The following EXOC5 variants were observed in gnomAD, a reference collection of about 807,000 sequenced individuals.
EXOC5 encodes the protein SEC10-like 1.
In EXOC5, 17 loss-of-function variants were observed where a neutral mutation model predicts 90.8. The ratio of observed to expected loss-of-function variants is 0.19; its 90% CI spans 0.13 to 0.28. The LOEUF (loss-of-function observed/expected upper bound fraction) is 0.28, where lower values mean the gene tolerates loss of function less well. Ranked by LOEUF, EXOC5 falls within the 10% of genes least tolerant of loss-of-function variation. The probability of loss-of-function intolerance (pLI) is 1.00; values close to 1 mark genes in which losing one functional copy is unlikely to be tolerated. For missense variants in EXOC5, 569 were observed against 830.6 expected (o/e 0.69, Z 3.87); for synonymous variants, 260 against 270.0 (o/e 0.96, Z 0.36).
At chr14:57,262,641 T>A (rs896445951) in intron 1 of EXOC5, among the ~76,000 whole-genome samples, 1 of 145,088 alleles carries the variant, frequency 6.9e-6, no homozygotes, top group Non-Finnish European at 1.5e-5. Flanking sequence ...ACATTAAGTA[T>A]ATATACATAT....
chr14:57,254,611 A>G (rs1030558168), intron 1 of EXOC5, among the ~76,000 whole-genome samples: 2 of 152,198 alleles, frequency 1.3e-5, no homozygotes, highest in Admixed American at 1.3e-4. Context: ...GGACTATACA[A>G]TGAAAGAACT....
rs1054176569 is a variant in EXOC5, at chr14:57,232,570, G to A, written c.938+97C>T. The stretch of plus-strand genomic sequence containing the variant: ...ATTTAATGCTAAAAGGTAAACTGGT[G>A]ACAAACTTATTCAAAAATACCTGAA... On this transcript the variant is annotated intron_variant, in intron 10 of 17. Transcript: ENST00000621441. 3.9e-5 allele frequency: 22 copies of A among 567,580 alleles called. No individual in the cohort carries two copies. The Admixed American group carries it at 6.1e-4, about 16-fold the overall frequency. The allele number at this position is 567,580 out of a possible 1,614,324, so 35.2% of individuals were successfully genotyped here. A position where few individuals can be genotyped will look rare whatever the true frequency, so the allele number is the denominator to read the frequency against.
At position 57,203,546 on chromosome 14, in the gene EXOC5, T is replaced by C. The variant is rs1319993468; in HGVS notation, c.*5063A>G. 1 of 152,622 alleles carries C rather than the reference T, an allele frequency of 6.6e-6. No homozygotes were observed. The highest frequency in any genetic ancestry group is 2.4e-5 in the African/African-American group (1 of 41,450). 9.5% of individuals were successfully genotyped at this position (152,622 alleles called of 1,614,324 possible). On this transcript the variant is annotated 3_prime_UTR_variant, in exon 18 of 18. Transcript: ENST00000621441. The stretch of plus-strand genomic sequence containing the variant: ...GGTGAAAACAAAGAAAGTCACTCAT[T>C]GGAACTATAAATGAAACTTAGCTTT...
At position 57,247,887 on chromosome 14, in the gene EXOC5, CA is replaced by C. The variant is rs1566502890; in HGVS notation, c.28-176del. Among the ~76,000 whole-genome samples the C allele has an allele frequency of 2.4e-3, 244 of 102,220 alleles. No homozygotes were observed. In the African/African-American group the frequency reaches 0.037, roughly 16 times the overall value. The allele number at this position is 102,220 out of a possible 152,430, so 67.1% of individuals were successfully genotyped here. A position where few individuals can be genotyped will look rare whatever the true frequency, so the allele number is the denominator to read the frequency against. ...TTTCAATTAAAAAATCTTCAATAAACAAAACAAATTACTTAATGAAAATTAG... is the reference window on the plus strand; with the variant it reads ...TTTCAATTAAAAAATCTTCAATAAACAAACAAATTACTTAATGAAAATTAG... On this transcript the variant is annotated intron_variant, in intron 1 of 17. Transcript: ENST00000621441.
chr14:57,239,038 T>C (rs1883771218), intron 5 of EXOC5, among the ~76,000 whole-genome samples: 1 of 152,034 alleles, frequency 6.6e-6, no homozygotes, highest in African/African-American at 2.4e-5. Flanking sequence ...CTCTGGGGCC[T>C]TGCATTTTAA....
intron 17 of EXOC5, among the ~76,000 whole-genome samples, 166 bp from the exon 18 acceptor site, chr14:57,208,963 A>T (rs1209792660): frequency 6.6e-6 from 1 of 152,218 alleles, no homozygotes; most frequent in Non-Finnish European, 1.5e-5. Flanking sequence ...TAAAGATTTC[A>T]GTAGTTAAAT....
chr14:57,228,164 C>T (rs1162679860), intron 12 of EXOC5, among the ~76,000 whole-genome samples: 1 of 152,186 alleles, frequency 6.6e-6, no homozygotes, highest in South Asian at 2.1e-4. Context: ...TACCATCTCA[C>T]GCCAGTTAGA....
intron 1 of EXOC5, among the ~76,000 whole-genome samples, chr14:57,262,153 C>T (rs545651869): frequency 6.6e-6 from 1 of 152,276 alleles, no homozygotes; most frequent in East Asian, 1.9e-4. Flanking sequence ...TCTCAATCCA[C>T]TTAAATTGAA....
At chr14:57,268,551 T>C (rs1338144031) in intron 1 of EXOC5, 71 bp downstream of exon 1, 1 of 1,545,762 alleles carries the variant, frequency 6.5e-7, no homozygotes, top group Non-Finnish European at 8.7e-7. Flanking sequence ...AAACGCCCGC[T>C]CCTCGGCCCG....
intron 1 of EXOC5, among the ~76,000 whole-genome samples, chr14:57,258,173 T>C (rs895713752): frequency 6.6e-6 from 1 of 152,192 alleles, no homozygotes. Context: ...GAAATACCAT[T>C]TGACCCAGCA....
chr14:57,252,209 G>A (rs1162793154), intron 1 of EXOC5, among the ~76,000 whole-genome samples: 2 of 152,092 alleles, frequency 1.3e-5, no homozygotes, highest in Non-Finnish European at 2.9e-5. Flanking sequence ...CACTGTATGA[G>A]GCCAGCATTA....
At chr14:57,266,703 C>T (rs1486830734) in intron 1 of EXOC5, among the ~76,000 whole-genome samples, 1 of 80,088 alleles carries the variant, frequency 1.2e-5, no homozygotes, top group Non-Finnish European at 2.1e-5. Flanking sequence ...GTTATATATA[C>T]GTTATATATA....
intron 17 of EXOC5, among the ~76,000 whole-genome samples, chr14:57,209,291 C>A (rs1194256200): frequency 6.6e-6 from 1 of 151,800 alleles, no homozygotes; most frequent in Non-Finnish European, 1.5e-5. Flanking sequence ...CTTTGGGAAG[C>A]TGAGGCAGCA....
At chr14:57,247,530 T>C in intron 2 of EXOC5, 88 bp downstream of exon 2, 2 of 537,344 alleles carry the variant, frequency 3.7e-6, no homozygotes, top group South Asian at 3.5e-5. Context: ...TGTAGAGGAA[T>C]GCTGAAAGCA....
chr14:57,233,874 A>T lies in EXOC5; in HGVS notation c.724T>A (p.Leu242Met). The T allele has an allele frequency of 6.2e-7, 1 of 1,610,966 alleles. No homozygotes were observed. The highest frequency in any genetic ancestry group is 2.2e-5 in the East Asian group (1 of 44,718). ...YIKQCQEGAY[L>M]RNDIFEDAGI... ...GCGTCTTCAAATATATCATTTCTCA[A>T]ATAAGCACCCTAAACAGCAGAGACA... The change falls in exon 9 of 18, where the codon TTG becomes ATG. Residue 242 changes from leucine to methionine, a missense_variant. Physicochemically the swap from Leu to Met is conservative, Grantham distance 15 (BLOSUM62 2). Coordinates refer to ENST00000621441, the MANE Select transcript of EXOC5 (RefSeq NM_006544.4).
At chr14:57,214,038 T>C (rs1047021420) in intron 15 of EXOC5, among the ~76,000 whole-genome samples, 1 of 152,034 alleles carries the variant, frequency 6.6e-6, no homozygotes, top group African/African-American at 2.4e-5. Context: ...ACCTCAGGGG[T>C]ATCTGTAGGC....
chr14:57,248,061 G>C (rs1440458865), intron 1 of EXOC5, among the ~76,000 whole-genome samples: 1 of 148,920 alleles, frequency 6.7e-6, no homozygotes, highest in East Asian at 2.0e-4. Context: ...AATCAAATAA[G>C]ATCAAATTAT....
intron 15 of EXOC5, among the ~76,000 whole-genome samples, chr14:57,211,111 T>A (rs755212917): frequency 4.6e-5 from 7 of 152,188 alleles, no homozygotes; most frequent in African/African-American, 9.7e-5. Context: ...CTGATATGAC[T>A]TATTGTTCTG....
rs192409420 is a variant in EXOC5, at chr14:57,228,506, A to G, written c.1296+1228T>C. ...AAAGAAAATGTGGCACATATATGCC[A>G]TGGAATACTATGCAGCCATCAAAAA... On this transcript the variant is annotated intron_variant, in intron 12 of 17. Transcript: ENST00000621441. Among the ~76,000 whole-genome samples the G allele has an allele frequency of 4.0e-3, 602 of 152,320 alleles. 6 individuals are homozygous for G. The highest frequency in any genetic ancestry group is 0.014 in the African/African-American group (562 of 41,552).
Sources: gnomAD v4.1 joint callset for allele counts (sites outside exome capture counted in the v4.1 genomes callset) on GRCh38, gnomAD v4.1.1 for gene constraint, MANE v1.5 for transcripts, NCBI Gene and HGNC (gene_info 2026-07-23, HGNC 2026-07-21) for gene names.